Variants in PCGF3 observed in about 807,000 individuals in gnomAD.
PCGF3 encodes polycomb group ring finger 3.
PCGF3 carries 7 observed loss-of-function variants against 33.1 expected under a neutral mutation model. That is an observed-to-expected ratio of 0.21 (90% confidence interval 0.12 to 0.40). The LOEUF is 0.40. Among genes scored for constraint, PCGF3 ranks in the 10% least tolerant of loss-of-function variants. PCGF3 has a pLI of 1.00. For synonymous variants in PCGF3, 153 were observed against 121.3 expected (o/e 1.26, Z -1.72); for missense variants, 211 against 313.3 (o/e 0.67, Z 2.46).
rs567092960 is a variant in PCGF3, at chr4:714,756, A to G, written c.-190+8786A>G. On this transcript the variant is annotated intron_variant, in intron 1 of 10. Transcript: ENST00000362003. ...TGACGTCCTCTTCAGTCTCAGCTGGAGAAAGCTGCCCTGGAGGGACTCTTC... is the reference window on the plus strand; with the variant it reads ...TGACGTCCTCTTCAGTCTCAGCTGGGGAAAGCTGCCCTGGAGGGACTCTTC... Among the ~76,000 whole-genome samples the G allele has an allele frequency of 3.2e-4, 48 of 152,312 alleles. No individual in the cohort carries two copies. In the South Asian group the frequency reaches 1.0e-2, roughly 32 times the overall value.
At chr4:729,692 T>C (rs1743472626) in intron 1 of PCGF3, among the ~76,000 whole-genome samples, 1 of 152,214 alleles carries the variant, frequency 6.6e-6, no homozygotes. Flanking sequence ...TTTCCCTTCT[T>C]CCTCCCTTTT....
intron 7 of PCGF3, chr4:743,786 C>G: frequency 2.0e-6 from 1 of 497,326 alleles, no homozygotes; most frequent in Non-Finnish European, 3.6e-6. Flanking sequence ...AGGGGAAAAG[C>G]CAGCAGGGGA....
intron 9 of PCGF3, among the ~76,000 whole-genome samples, chr4:763,755 G>T (rs949726923): frequency 6.6e-6 from 1 of 152,176 alleles, no homozygotes; most frequent in African/African-American, 2.4e-5. Flanking sequence ...ACCTGCACCC[G>T]GATGTTGATA....
intron 6 of PCGF3, 42 bp from the exon 7 acceptor site, chr4:743,432 C>T (rs745743860): frequency 3.5e-6 from 4 of 1,144,032 alleles, no homozygotes; most frequent in Non-Finnish European, 4.0e-6. Flanking sequence ...TAATAGAATC[C>T]ACTGCCTGTG....
At chr4:732,708 G>A (rs1410653047) in intron 3 of PCGF3, among the ~76,000 whole-genome samples, 1 of 152,178 alleles carries the variant, frequency 6.6e-6, no homozygotes, top group African/African-American at 2.4e-5. Flanking sequence ...GTGGTGTCAC[G>A]CATGCAGCAG....
chr4:727,279 TTCCCCAGGC>T (rs1395317148), intron 1 of PCGF3, among the ~76,000 whole-genome samples: 3 of 146,010 alleles, frequency 2.1e-5, no homozygotes, highest in Non-Finnish European at 4.5e-5. Flanking sequence ...TTCAGTCTTA[TTCCCCAGGC>T]TGGAGTGCAA....
At chr4:757,046 TTTG>T (rs1744799684) in intron 8 of PCGF3, 1 of 152,256 alleles carries the variant, frequency 6.6e-6, no homozygotes, top group Non-Finnish European at 1.5e-5. Flanking sequence ...AAGGTTTAAT[TTTG>T]TTCTCATCTC....
chr4:739,818 A>G (rs1052162795), intron 6 of PCGF3, among the ~76,000 whole-genome samples: 5 of 151,948 alleles, frequency 3.3e-5, no homozygotes, highest in African/African-American at 4.8e-5. Flanking sequence ...GACGCTGCCA[A>G]CTCCACTCTA....
At chr4:707,727 A>C (rs185351604) in intron 1 of PCGF3, among the ~76,000 whole-genome samples, 695 of 35,532 alleles carry the variant, frequency 0.02, 11 homozygotes, top group Middle Eastern at 0.056. Context: ...CTCTGTTTTC[A>C]CCTGGGGGCC....
chr4:707,520 C>T (rs186065621), intron 1 of PCGF3, among the ~76,000 whole-genome samples: 12,306 of 102,956 alleles, frequency 0.12, 1,076 homozygotes, highest in Middle Eastern at 0.17. Flanking sequence ...CACCCGGGGG[C>T]CGGGACCCTG....
At chr4:767,539 C>T (rs539573766) in exon 11 of PCGF3, 17 of 152,328 alleles carry the variant, frequency 1.1e-4, no homozygotes, top group African/African-American at 4.1e-4. Flanking sequence ...AAGCCAACCA[C>T]CTTGGAGATT....
rs1319324773 is a variant in PCGF3, at chr4:720,810, G to A, written c.-189-9820G>A. On this transcript the variant is annotated intron_variant, in intron 1 of 10. Coordinates refer to ENST00000362003, the Ensembl canonical transcript of PCGF3. This position sits in a 1 kb window ranked among gnomAD's most constrained non-coding sequence, Gnocchi z 5.6. ...GACTGCGCTGGCATGGGAAGCAGAG[G>A]GTGAGGCTCGGCTCTGCTGTCAGGA... is the stretch of plus-strand genomic sequence containing the variant. 6.6e-6 allele frequency among the ~76,000 whole-genome samples: 1 copy of A among 152,180 alleles called. No homozygotes were observed. Among genetic ancestry groups the A allele is most frequent in the Admixed American group, 6.5e-5 (1 of 15,268 alleles).
In PCGF3 at chr4:720,600, G is replaced by A. The variant is rs543692972; in HGVS notation, c.-189-10030G>A. Among the ~76,000 whole-genome samples the A allele has an allele frequency of 4.5e-4, 68 of 150,728 alleles. No individual in the cohort carries two copies. Among genetic ancestry groups the A allele is most frequent in the African/African-American group, 1.6e-3 (67 of 40,938 alleles). On this transcript the variant is annotated intron_variant, in intron 1 of 10. Coordinates refer to ENST00000362003, the Ensembl canonical transcript of PCGF3. The surrounding 1 kb of genome is among the most constrained non-coding windows in gnomAD (Gnocchi z 5.6). ...CCCACGTGGACGGGCAGTGACGTGCGTGTGGACCCGGGGTGGACGGGCGGT... is the reference window on the plus strand; with the variant it reads ...CCCACGTGGACGGGCAGTGACGTGCATGTGGACCCGGGGTGGACGGGCGGT...
chr4:709,086 G>C (rs1027931691), intron 1 of PCGF3, among the ~76,000 whole-genome samples: 1 of 152,230 alleles, frequency 6.6e-6, no homozygotes, highest in Non-Finnish European at 1.5e-5. Flanking sequence ...GACTAGGGAA[G>C]GGTTGTCTAG....
chr4:756,443 C>G lies in PCGF3; in HGVS notation c.463-4836C>G, dbSNP rs187223450. Among the ~76,000 whole-genome samples, 54 of 151,988 alleles carry G rather than the reference C, an allele frequency of 3.6e-4. 3 individuals carry two copies. The East Asian group carries it at 7.0e-3, about 20-fold the overall frequency. On this transcript the variant is annotated intron_variant, in intron 8 of 10. Transcript: ENST00000362003. ...GGCCCGTCTGGCCTCGAACTCCTGACCTCAAATGATCCACCCGCCTCAGCC... is the reference window on the plus strand; with the variant it reads ...GGCCCGTCTGGCCTCGAACTCCTGAGCTCAAATGATCCACCCGCCTCAGCC...
chr4:715,441 AC>A (rs1286364592), intron 1 of PCGF3, among the ~76,000 whole-genome samples: 1 of 143,144 alleles, frequency 7.0e-6, no homozygotes, highest in East Asian at 2.2e-4. Flanking sequence ...CGGTGCTGGG[AC>A]CCTGTAGACA....
chr4:748,356 C>T (rs534463108), intron 8 of PCGF3, among the ~76,000 whole-genome samples: 56 of 152,164 alleles, frequency 3.7e-4, no homozygotes, highest in African/African-American at 6.7e-4. Flanking sequence ...CCTGCCGCTC[C>T]GTCTGGTTAA....
chr4:767,608 G>T (rs1357562280), exon 11 of PCGF3: 2 of 152,080 alleles, frequency 1.3e-5, no homozygotes, highest in African/African-American at 4.8e-5. Flanking sequence ...CAGCTCAAGA[G>T]ACCTTATCTT....
exon 11 of PCGF3, chr4:768,013 A>T (rs994738984): frequency 5.2e-5 from 8 of 152,708 alleles, no homozygotes; most frequent in African/African-American, 1.9e-4. Flanking sequence ...ATAAAATTAA[A>T]TCACAGTTCA....
Sources: gnomAD v4.1 joint callset for allele counts (sites outside exome capture counted in the v4.1 genomes callset) on GRCh38, gnomAD v4.1.1 for gene constraint, Gnocchi (gnomAD v3.1) non-coding constraint, MANE v1.5 for transcripts, NCBI Gene and HGNC (gene_info 2026-07-23, HGNC 2026-07-21) for gene names.